The following C3orf49 variants were observed in gnomAD, a reference collection of about 807,000 sequenced individuals.
C3orf49 encodes the protein putative uncharacterized protein C3orf49.
A neutral mutation model predicts 13.3 loss-of-function variants in C3orf49; 27 were observed. That is an observed-to-expected ratio of 2.02 (90% CI 1.49 to 2.79). The LOEUF is 2.79. Among genes scored for constraint, C3orf49 ranks in the 30% most tolerant of loss-of-function variants. The pLI is 0.00. For missense variants in C3orf49, 242 were observed against 134.2 expected (o/e 1.80, Z -3.97); for synonymous variants, 87 against 47.6 (o/e 1.83, Z -3.40).
the C3orf49 span, among the ~76,000 whole-genome samples, chr3:63,787,374 G>A: frequency 6.6e-6 from 1 of 152,068 alleles, no homozygotes; most frequent in Non-Finnish European, 1.5e-5. Flanking sequence ...CACTGGGTCT[G>A]GTTATATATA....
At chr3:63,820,007 T>C (rs748645249) in intron 1 of C3orf49, among the ~76,000 whole-genome samples, 2 of 152,246 alleles carry the variant, frequency 1.3e-5, no homozygotes, top group African/African-American at 2.4e-5. Context: ...TGCTGAAATA[T>C]GTACTAATCA....
intron 6 of C3orf49, among the ~76,000 whole-genome samples, 155 bp downstream of exon 6, chr3:63,845,237 T>C (rs1186386844): frequency 6.6e-6 from 1 of 152,178 alleles, no homozygotes; most frequent in Non-Finnish European, 1.5e-5. Context: ...GTTTGTGCTA[T>C]GAGAGGACAT....
chr3:63,846,426 A>G (rs832186), intron 6 of C3orf49, among the ~76,000 whole-genome samples: 20,850 of 151,994 alleles, frequency 0.14, 1,857 homozygotes, highest in Non-Finnish European at 0.19. Context: ...TATTTTTTTT[A>G]GACGGAGTTT....
chr3:63,813,520 A>G, the C3orf49 span, among the ~76,000 whole-genome samples: 1 of 152,214 alleles, frequency 6.6e-6, no homozygotes, highest in Non-Finnish European at 1.5e-5. Flanking sequence ...TAAGTTAGAA[A>G]TACTAACCTG....
chr3:63,809,776 C>A, the C3orf49 span, among the ~76,000 whole-genome samples: 1 of 152,192 alleles, frequency 6.6e-6, no homozygotes, highest in African/African-American at 2.4e-5. Flanking sequence ...CCCTGGATCT[C>A]TCCATGACTC....
At chr3:63,835,488 A>T in intron 5 of C3orf49, 1 of 1,086,596 alleles carries the variant, frequency 9.2e-7, no homozygotes, top group Non-Finnish European at 1.3e-6. Flanking sequence ...TTTTTAAAAT[A>T]AAAAAAGGGC....
In C3orf49 at chr3:63,843,361, G is replaced by A. The variant is rs1321632147; in HGVS notation, c.850-1662G>A. On this transcript the variant is annotated intron_variant, in intron 5 of 6. Transcript: ENST00000295896. ...TCAAACTTCTGACCTCAAATGATCCGCCTACCTCGGCCTCTCAAAGTGCTG... is the reference window on the plus strand; with the variant it reads ...TCAAACTTCTGACCTCAAATGATCCACCTACCTCGGCCTCTCAAAGTGCTG... Among the ~76,000 whole-genome samples, 8 of 150,394 alleles carry A rather than the reference G, an allele frequency of 5.3e-5. No individual in the cohort carries two copies. The South Asian group carries it at 1.1e-3, about 20-fold the overall frequency.
At chr3:63,792,383 G>A in the C3orf49 span, among the ~76,000 whole-genome samples, 47 of 152,242 alleles carry the variant, frequency 3.1e-4, no homozygotes, top group Non-Finnish European at 4.3e-4. Flanking sequence ...GTTTTTCGGC[G>A]TGAATAACCC....
At chr3:63,806,021 C>A in the C3orf49 span, among the ~76,000 whole-genome samples, 2 of 152,288 alleles carry the variant, frequency 1.3e-5, no homozygotes, top group South Asian at 4.1e-4. Flanking sequence ...ATACTCACCT[C>A]TACAAGTGGA....
the C3orf49 span, among the ~76,000 whole-genome samples, chr3:63,798,221 A>G: frequency 1.3e-5 from 2 of 152,170 alleles, no homozygotes; most frequent in East Asian, 3.8e-4. Flanking sequence ...AAATAATTTG[A>G]TCACAGGATC....
intron 5 of C3orf49, among the ~76,000 whole-genome samples, chr3:63,837,735 A>T (rs1701663327): frequency 6.6e-6 from 1 of 152,088 alleles, no homozygotes; most frequent in Non-Finnish European, 1.5e-5. Context: ...GATAAGAAAA[A>T]AAAAGAGAAA....
At chr3:63,826,441 G>A (rs1227619781) in intron 2 of C3orf49, among the ~76,000 whole-genome samples, 1 of 152,164 alleles carries the variant, frequency 6.6e-6, no homozygotes, top group African/African-American at 2.4e-5. Flanking sequence ...GTTGGACAGT[G>A]AAGGGTTGGG....
intron 5 of C3orf49, chr3:63,834,164 C>T (rs761365116): frequency 1.2e-6 from 2 of 1,614,048 alleles, no homozygotes; most frequent in Non-Finnish European, 1.7e-6. Flanking sequence ...ATGCTTGCTT[C>T]CTGAGCTTCT....
intron 5 of C3orf49, among the ~76,000 whole-genome samples, chr3:63,834,443 T>C (rs952631747): frequency 1.3e-5 from 2 of 151,810 alleles, no homozygotes; most frequent in Non-Finnish European, 2.9e-5. Flanking sequence ...GTGGATCACC[T>C]GAGGTCAGGA....
the C3orf49 span, among the ~76,000 whole-genome samples, chr3:63,794,498 C>A: frequency 6.6e-6 from 1 of 152,084 alleles, no homozygotes; most frequent in East Asian, 1.9e-4. Context: ...TCCTATTTCC[C>A]TGCTCTGCTT....
At chr3:63,823,827 A>C (rs1427223044) in intron 2 of C3orf49, among the ~76,000 whole-genome samples, 42 of 137,182 alleles carry the variant, frequency 3.1e-4, no homozygotes, top group African/African-American at 1.1e-3. Flanking sequence ...TTTAGATGGA[A>C]TCTCGCTCTA....
Position 63,823,418 on chromosome 3 carries a change from T to C in C3orf49, c.294T>C (p.Tyr98=), listed in dbSNP as rs763258382. 1.4e-6 allele frequency: 1 copy of C among 703,066 alleles called. No individual in the cohort carries two copies. 43.6% of individuals were successfully genotyped at this position (703,066 alleles called of 1,614,324 possible). ...TTGGGAGGATGCTGTCCTACAAGTA[T>C]AGAAGCAAGCCAGCATGTGCCAGCC... ...TAFGRMLSYK[Y]RSKPACASQE... The change falls in exon 2 of 7, where the codon TAT becomes TAC. Residue 98 remains tyrosine, a synonymous_variant. Transcript: ENST00000295896.
At chr3:63,835,036 T>C (rs575744089) in intron 5 of C3orf49, 2 of 978,314 alleles carry the variant, frequency 2.0e-6, no homozygotes, top group South Asian at 3.4e-5. Context: ...GTCATCCAGC[T>C]ACACTGTTCA....
At chr3:63,797,614 C>G in the C3orf49 span, among the ~76,000 whole-genome samples, 3 of 152,188 alleles carry the variant, frequency 2.0e-5, no homozygotes, top group Non-Finnish European at 4.4e-5. Context: ...TCCTACCAGT[C>G]TATGGTTCCA....
Sources: allele counts gnomAD v4.1 joint callset (sites outside exome capture counted in the v4.1 genomes callset), GRCh38; gene constraint gnomAD v4.1.1; transcripts MANE v1.5; gene names NCBI Gene and HGNC (gene_info 2026-07-23, HGNC 2026-07-21).